CTSC: variants seen among roughly 807,000 people sequenced by gnomAD.
CTSC encodes dipeptidyl peptidase 1.
CTSC carries 37 observed loss-of-function variants against 40.9 expected under a neutral mutation model. That is an observed-to-expected ratio of 0.91 (90% CI 0.70 to 1.19). The LOEUF (loss-of-function observed/expected upper bound fraction) is 1.19. Among genes scored for constraint, CTSC ranks in the 50% most tolerant of loss-of-function variants. The probability of loss-of-function intolerance (pLI) is 0.00; values close to 1 mark genes in which losing one functional copy is unlikely to be tolerated. For missense variants in CTSC, 594 were observed against 567.3 expected (o/e 1.05, Z -0.48); for synonymous variants, 232 against 207.4 (o/e 1.12, Z -1.02).
chr11:88,305,520 T>C (rs1449355886), intron 4 of CTSC, among the ~76,000 whole-genome samples: 2 of 152,244 alleles, frequency 1.3e-5, no homozygotes, highest in African/African-American at 4.8e-5. Context: ...GTGAAAGCTC[T>C]AGATTCAGAA....
intron 2 of CTSC, 89 bp from the exon 3 acceptor site, chr11:88,312,643 G>T: frequency 7.4e-7 from 1 of 1,359,376 alleles, no homozygotes; most frequent in Non-Finnish European, 9.8e-7. Context: ...CAGTAAATGT[G>T]CCCCTTTCAA....
intron 5 of CTSC, among the ~76,000 whole-genome samples, chr11:88,299,987 C>T (rs939825289): frequency 6.6e-6 from 1 of 152,174 alleles, no homozygotes; most frequent in African/African-American, 2.4e-5. Context: ...CACGCCATCA[C>T]TCAGGAAGCT....
At chr11:88,333,959 T>A (rs1012471502) in intron 2 of CTSC, among the ~76,000 whole-genome samples, 2 of 152,200 alleles carry the variant, frequency 1.3e-5, no homozygotes, top group Non-Finnish European at 2.9e-5. Context: ...CTAAAAAATA[T>A]TGTAAACTTG....
At chr11:88,306,597 G>A (rs1254785400) in intron 4 of CTSC, among the ~76,000 whole-genome samples, 1 of 152,148 alleles carries the variant, frequency 6.6e-6, no homozygotes, top group Non-Finnish European at 1.5e-5. Flanking sequence ...AGGAGAACAG[G>A]AACAAGTGGA....
Position 88,337,482 on chromosome 11 carries a change from T to C in CTSC, c.172+19A>G, listed in dbSNP as rs550626248. ...GGGCAGAAAGGACGACCCGGAGGAC[T>C]GCCGAGCCGGCGGCTTACCCATAAC... On this transcript the variant is annotated intron_variant, in intron 1 of 6. Transcript: ENST00000227266. 6.4e-7 allele frequency: 1 copy of C among 1,560,688 alleles called. No homozygotes were observed. The highest frequency in any genetic ancestry group is 1.2e-5 in the South Asian group (1 of 84,966).
intron 2 of CTSC, among the ~76,000 whole-genome samples, chr11:88,317,028 G>A (rs577267538): frequency 4.0e-5 from 6 of 151,572 alleles, no homozygotes; most frequent in South Asian, 2.1e-4. Context: ...GTGCAGTGGC[G>A]CGATCTCAGC....
intron 2 of CTSC, among the ~76,000 whole-genome samples, chr11:88,319,261 C>T (rs1937945229): frequency 6.6e-6 from 1 of 152,168 alleles, no homozygotes; most frequent in South Asian, 2.1e-4. Context: ...TTCTGTCAAA[C>T]ATGTTGACAG....
chr11:88,300,888 C>T (rs891440862), intron 4 of CTSC, among the ~76,000 whole-genome samples: 5 of 151,950 alleles, frequency 3.3e-5, no homozygotes, highest in African/African-American at 1.2e-4. Flanking sequence ...TGAAATGACA[C>T]TGGTTTTGTA....
At chr11:88,326,524 A>AG in intron 2 of CTSC, 2 of 770,982 alleles carry the variant, frequency 2.6e-6, no homozygotes, top group South Asian at 1.6e-5. Context: ...AGTTTCTTTA[A>AG]GTAAAAAAAA....
intron 2 of CTSC, among the ~76,000 whole-genome samples, chr11:88,318,622 T>A (rs556864398): frequency 6.6e-6 from 1 of 152,140 alleles, no homozygotes; most frequent in African/African-American, 2.4e-5. Context: ...AAAAATACAA[T>A]TGGCCAGGCG....
intron 2 of CTSC, among the ~76,000 whole-genome samples, chr11:88,332,159 ATT>A (rs1938379290): frequency 6.6e-6 from 1 of 152,208 alleles, no homozygotes; most frequent in Non-Finnish European, 1.5e-5. Flanking sequence ...CATGGCAAGA[ATT>A]TGTCAAATAT....
chr11:88,293,822 AATGGCCAGTGGCCG>A lies in CTSC; in HGVS notation c.*170_*183del. On this transcript the variant is annotated 3_prime_UTR_variant, in exon 7 of 7. Transcript: ENST00000227266. ...CCACTTAATTGAATACTTAGAAAAA[AATGGCCAGTGGCCG>A]ATTGAAAGGTATATTAAAATTAAGG... is the stretch of plus-strand genomic sequence containing the variant. 1 of 677,466 alleles carries A rather than the reference AATGGCCAGTGGCCG, an allele frequency of 1.5e-6. No individual in the cohort carries two copies. 42.0% of individuals were successfully genotyped at this position (677,466 alleles called of 1,614,324 possible).
chr11:88,309,561 G>T (rs1451246961), intron 3 of CTSC, among the ~76,000 whole-genome samples: 1 of 151,992 alleles, frequency 6.6e-6, no homozygotes, highest in Non-Finnish European at 1.5e-5. Flanking sequence ...CTAATAGATT[G>T]TAAATAACCG....
chr11:88,296,724 A>T (rs1484847870), intron 5 of CTSC: 2 of 247,042 alleles, frequency 8.1e-6, no homozygotes, highest in Non-Finnish European at 1.6e-5. Context: ...TAAAACCCCA[A>T]TCCCAAAAGT....
chr11:88,304,471 C>T (rs575486325), intron 4 of CTSC, among the ~76,000 whole-genome samples: 1 of 152,164 alleles, frequency 6.6e-6, no homozygotes, highest in Non-Finnish European at 1.5e-5. Flanking sequence ...ATTTGCCCAT[C>T]ATTGCACACA....
At chr11:88,337,418 G>A (rs528515250) in intron 1 of CTSC, 83 bp downstream of exon 1, 39 of 1,382,584 alleles carry the variant, frequency 2.8e-5, no homozygotes, top group South Asian at 3.7e-5. Context: ...CTGCCTGGGG[G>A]GAAGCGGTAG....
At chr11:88,302,625 C>CAAAG (rs1944379688) in intron 4 of CTSC, among the ~76,000 whole-genome samples, 1 of 80,052 alleles carries the variant, frequency 1.2e-5, no homozygotes, top group Non-Finnish European at 2.3e-5. Flanking sequence ...GACTCCGCCT[C>CAAAG]AAAAAAAAAA....
In CTSC at chr11:88,296,400, G is replaced by C. The variant is rs1257025870; in HGVS notation, c.758-136C>G. 4 of 1,073,322 alleles carry C rather than the reference G, an allele frequency of 3.7e-6. No individual in the cohort carries two copies. The South Asian group carries it at 5.3e-5, about 14-fold the overall frequency. The allele number at this position is 1,073,322 out of a possible 1,614,324, so 66.5% of individuals were successfully genotyped here. A position where few individuals can be genotyped will look rare whatever the true frequency, so the allele number is the denominator to read the frequency against. On this transcript the variant is annotated intron_variant, in intron 5 of 6. Coordinates refer to ENST00000227266, the MANE Select transcript of CTSC (RefSeq NM_001814.6). ...TTTATAAGAATCAGCACAATAAGAA[G>C]ACTCAACTAACAAGCATTGTTGAGC... is the stretch of plus-strand genomic sequence containing the variant.
intron 4 of CTSC, among the ~76,000 whole-genome samples, chr11:88,308,233 A>G (rs1937677580): frequency 6.6e-6 from 1 of 152,222 alleles, no homozygotes; most frequent in Admixed American, 6.5e-5. Context: ...TTAAATGACA[A>G]TGGGCCTTGC....
Sources: allele counts gnomAD v4.1 joint callset (sites outside exome capture counted in the v4.1 genomes callset), GRCh38; gene constraint gnomAD v4.1.1; transcripts MANE v1.5; gene names NCBI Gene and HGNC (gene_info 2026-07-23, HGNC 2026-07-21).